Variants in BFSP1 observed in about 807,000 individuals in gnomAD.
BFSP1 encodes the protein filensin.
Under a neutral mutation model 43.9 loss-of-function variants are expected in BFSP1, and 38 were observed. The ratio of observed to expected loss-of-function variants is 0.87; its 90% CI spans 0.67 to 1.14. The LOEUF (loss-of-function observed/expected upper bound fraction) is 1.14. Ranked by LOEUF, BFSP1 falls within the 50% of genes most tolerant of loss-of-function variation. The pLI, the probability that BFSP1 is intolerant of heterozygous loss-of-function variation, is 0.00. For missense variants in BFSP1, 850 were observed against 875.1 expected (o/e 0.97, Z 0.36); for synonymous variants, 352 against 354.8 (o/e 0.99, Z 0.09).
In BFSP1 at chr20:17,503,752, C is replaced by T. The variant is rs574209865; in HGVS notation, c.736-4712G>A. Among the ~76,000 whole-genome samples the T allele has an allele frequency of 1.3e-3, 203 of 152,338 alleles. 1 individual carries two copies. Among genetic ancestry groups the T allele is most frequent in the Non-Finnish European group, 4.3e-4 (29 of 68,032 alleles). ...ACACACGTGCGTGCACACACACACA[C>T]TCTGTCTCCAGGGCCCCTGCAAACT... On this transcript the variant is annotated intron_variant, in intron 5 of 7. Coordinates refer to ENST00000377873, the MANE Select transcript of BFSP1 (RefSeq NM_001195.5).
At chr20:17,554,898 TAAAC>T (rs1474058287) in intron 1 of BFSP1, among the ~76,000 whole-genome samples, 1 of 152,190 alleles carries the variant, frequency 6.6e-6, no homozygotes, top group African/African-American at 2.4e-5. Context: ...ATAAGACTAA[TAAAC>T]AAAATCAAAT....
chr20:17,525,674 A>T lies in BFSP1; in HGVS notation c.378-766T>A, dbSNP rs1256193594. ...GGGGGAATTTTAACCCTAAAGAGAG[A>T]AGATTCCTTCCTAAATGACCCCTCC... On this transcript the variant is annotated intron_variant, in intron 1 of 7. Coordinates refer to ENST00000377873, the MANE Select transcript of BFSP1 (RefSeq NM_001195.5). The surrounding 1 kb of genome is among the most constrained non-coding windows in gnomAD (Gnocchi z 4.2). Among the ~76,000 whole-genome samples, 1 of 152,150 alleles carries T rather than the reference A, an allele frequency of 6.6e-6. No individual in the cohort carries two copies. The highest frequency in any genetic ancestry group is 6.5e-5 in the Admixed American group (1 of 15,280).
At chr20:17,520,634 C>CCT (rs1489790525) in intron 2 of BFSP1, among the ~76,000 whole-genome samples, 1 of 152,200 alleles carries the variant, frequency 6.6e-6, no homozygotes, top group Non-Finnish European at 1.5e-5. Flanking sequence ...CTCTCTCTTG[C>CCT]CTCTGCCTCA....
chr20:17,496,981 G>A lies in BFSP1; in HGVS notation c.999C>T (p.Thr333=), dbSNP rs188908430. The A allele has an allele frequency of 2.6e-6, 4 of 1,544,482 alleles. No homozygotes were observed. The highest frequency in any genetic ancestry group is 2.4e-5 in the South Asian group (2 of 82,574). The change falls in exon 7 of 8, where the codon ACC becomes ACT. Residue 333 remains threonine, a synonymous_variant. Transcript: ENST00000377873. ...AFIETPIPLF[T]QSHGVSLSTG... is the part of the protein sequence containing the mutation. ...TGCTGAGAGAGACTCCATGGCTCTG[G>A]GTGAACAGGGGAATGGGAGTTTCAA...
rs1248755789 is a variant in BFSP1 at position 17,525,365 on chromosome 20, A to G, written c.378-457T>C. Among the ~76,000 whole-genome samples, 4 of 152,176 alleles carry G rather than the reference A, an allele frequency of 2.6e-5. No individual in the cohort carries two copies. The highest frequency in any genetic ancestry group is 4.4e-5 in the Non-Finnish European group (3 of 68,040). On this transcript the variant is annotated intron_variant, in intron 1 of 7. Transcript: ENST00000377873. This position sits in a 1 kb window ranked among gnomAD's most constrained non-coding sequence, Gnocchi z 4.2. ...TGTAATTTGTCAGTTTTTCTGGATTATGTCATTTAATCCTTACATCACCCC... is the reference window on the plus strand; with the variant it reads ...TGTAATTTGTCAGTTTTTCTGGATTGTGTCATTTAATCCTTACATCACCCC...
intron 2 of BFSP1, among the ~76,000 whole-genome samples, chr20:17,523,140 G>A (rs975657078): frequency 6.6e-6 from 1 of 152,054 alleles, no homozygotes; most frequent in Admixed American, 6.5e-5. Context: ...CTTATTTTTC[G>A]TTATCTATGT....
chr20:17,551,312 G>C (rs769932577), intron 1 of BFSP1, among the ~76,000 whole-genome samples: 3 of 152,136 alleles, frequency 2.0e-5, no homozygotes, highest in African/African-American at 7.2e-5. Context: ...GTGAGAGTGG[G>C]AGGAAGGCAG....
intron 5 of BFSP1, among the ~76,000 whole-genome samples, chr20:17,506,627 C>T (rs1397343660): frequency 6.6e-6 from 1 of 151,316 alleles, no homozygotes; most frequent in African/African-American, 2.4e-5. Flanking sequence ...CAGGCTCAGG[C>T]AGTCCTCCCA....
chr20:17,553,844 T>TAA (rs2034942715), intron 1 of BFSP1, among the ~76,000 whole-genome samples: 1 of 87,672 alleles, frequency 1.1e-5, no homozygotes, highest in African/African-American at 8.0e-5. Context: ...TATACACATA[T>TAA]ATATACATAT....
At position 17,531,371 on chromosome 20, in the gene BFSP1, C is replaced by G; in HGVS notation, c.-42G>C. The G allele has an allele frequency of 7.6e-7, 1 of 1,316,676 alleles. No homozygotes were observed. The allele number at this position is 1,316,676 out of a possible 1,614,324, so 81.6% of individuals were successfully genotyped here. On this transcript the variant is annotated 5_prime_UTR_variant, in exon 1 of 8. Transcript: ENST00000377873. ...GCGCGCGGGCGGCGCCGAGCCGGCT[C>G]TCCAGGAGGCCCCCGGCGCAGCCCG... is the stretch of plus-strand genomic sequence containing the variant.
At chr20:17,566,165 G>A (rs918834700) in intron 1 of BFSP1, among the ~76,000 whole-genome samples, 1 of 151,282 alleles carries the variant, frequency 6.6e-6, no homozygotes, top group African/African-American at 2.4e-5. Flanking sequence ...ATAGGGATAG[G>A]AGATAGGAAA....
chr20:17,497,583 TATATATATACGTGTATATATATAC>T (rs1468462327), intron 6 of BFSP1, among the ~76,000 whole-genome samples: 1 of 15,734 alleles, frequency 6.4e-5, no homozygotes, highest in Non-Finnish European at 1.3e-4. Flanking sequence ...TATATATACG[TATATATATACGTGTATATATATAC>T]GTATATATAC....
chr20:17,558,969 G>A (rs1389904267), upstream of BFSP1: 3 of 367,488 alleles, frequency 8.2e-6, no homozygotes, highest in African/African-American at 6.2e-5. Flanking sequence ...TTTTACTAGG[G>A]GACCACCTCT....
intron 1 of BFSP1, among the ~76,000 whole-genome samples, chr20:17,542,021 A>T (rs1010924586): frequency 3.9e-5 from 6 of 152,194 alleles, no homozygotes; most frequent in Admixed American, 2.6e-4. Flanking sequence ...AGGGTTTGCT[A>T]ACTGATGTCC....
chr20:17,553,858 T>TATAC (rs1247134320), intron 1 of BFSP1, among the ~76,000 whole-genome samples: 1 of 70,836 alleles, frequency 1.4e-5, no homozygotes, highest in Admixed American at 1.4e-4. Flanking sequence ...TACATATATA[T>TATAC]ACACATATAT....
chr20:17,514,743 G>A lies in BFSP1; in HGVS notation c.512C>T (p.Ala171Val), dbSNP rs1016890636. Reference sequence around the variant, plus strand: ...TACCTTCTTGTGCCTGTCCTTTGCCGCACTGATATCATCTTGCAGAAATTG... The same window carrying A: ...TACCTTCTTGTGCCTGTCCTTTGCCACACTGATATCATCTTGCAGAAATTG... ...EAQFLQDDISAAKDRHKKNLL... is the reference protein window; with the variant it reads ...EAQFLQDDISVAKDRHKKNLL... Residue 171 changes from alanine to valine, a missense_variant, in exon 3 of 8, where the codon GCG becomes GTG. Transcript: ENST00000377873. 5.0e-6 allele frequency: 8 copies of A among 1,613,788 alleles called. No homozygotes were observed. The highest frequency in any genetic ancestry group is 4.0e-5 in the African/African-American group (3 of 74,912).
Position 17,511,996 on chromosome 20 carries a change from CAA to C in BFSP1, c.605_606del (p.Ile202SerfsTer52). On this transcript the variant is annotated frameshift_variant, in exon 4 of 8. Transcript: ENST00000377873. LOFTEE classifies it high-confidence loss of function. ...CTTACCTCCCTCATCCCACTCGTCA[CAA>C]TGGATGCTGGAGGAGTGGTGTGGAT... ...QIIHTTPPAS[I>X]VTSGMREEKL... 3 of 1,610,198 alleles carry C rather than the reference CAA, an allele frequency of 1.9e-6. No individual in the cohort carries two copies. The highest frequency in any genetic ancestry group is 2.5e-6 in the Non-Finnish European group (3 of 1,176,496).
intron 5 of BFSP1, chr20:17,506,962 G>C (rs956608081): frequency 6.6e-6 from 1 of 152,204 alleles, no homozygotes; most frequent in Non-Finnish European, 1.5e-5. Context: ...CTTTAGAGAC[G>C]AGGGCAGCAG....
chr20:17,520,104 A>C (rs2034284502), intron 2 of BFSP1, among the ~76,000 whole-genome samples: 1 of 152,162 alleles, frequency 6.6e-6, no homozygotes, highest in East Asian at 1.9e-4. Flanking sequence ...TGGTCCCTGG[A>C]TCACAACACC....
Sources: gnomAD v4.1 joint callset for allele counts (sites outside exome capture counted in the v4.1 genomes callset) on GRCh38, gnomAD v4.1.1 for gene constraint, Gnocchi (gnomAD v3.1) non-coding constraint, MANE v1.5 for transcripts, NCBI Gene and HGNC (gene_info 2026-07-23, HGNC 2026-07-21) for gene names.